USP9X: variants seen among roughly 807,000 people sequenced by gnomAD.
USP9X encodes ubiquitin specific peptidase 9 X-linked, also known as ubiquitin carboxyl-terminal hydrolase 9X.
In USP9X, 7 loss-of-function variants were observed where a neutral mutation model predicts 190.3. The observed-to-expected ratio is 0.04, with a 90% confidence interval of 0.02 to 0.07. The LOEUF (loss-of-function observed/expected upper bound fraction) is 0.07. USP9X is among the 10% of genes least tolerant of loss of function. The probability of loss-of-function intolerance (pLI) is 1.00; values close to 1 mark genes in which losing one functional copy is unlikely to be tolerated. For synonymous variants in USP9X, 645 were observed against 659.5 expected (o/e 0.98, Z 0.34); for missense variants, 1,010 against 1,916.9 (o/e 0.53, Z 8.83).
At chrX:41,095,941 G>A (rs2061987729) in intron 1 of USP9X, among the ~76,000 whole-genome samples, 1 of 111,806 alleles carries the variant, frequency 8.9e-6, no homozygotes, top group Admixed American at 9.4e-5. Flanking sequence ...TGCTCCCATG[G>A]TATGAGGGAG....
At chrX:41,141,262 A>G in intron 8 of USP9X, 31 bp from the exon 9 acceptor site, 1 of 1,198,362 alleles carries the variant, frequency 8.3e-7, no homozygotes, top group Non-Finnish European at 1.1e-6. Context: ...CCGATTTTAG[A>G]ATCATACTTA....
intron 31 of USP9X, among the ~76,000 whole-genome samples, chrX:41,202,639 T>C (rs2063053116): frequency 9.0e-6 from 1 of 110,885 alleles, no homozygotes; most frequent in South Asian, 3.8e-4. Flanking sequence ...GGTCTAGGGA[T>C]TGGGTTCTGA....
At chrX:41,093,599 TC>T (rs1330258186) in intron 1 of USP9X, among the ~76,000 whole-genome samples, 1 of 111,718 alleles carries the variant, frequency 9.0e-6, no homozygotes, top group Non-Finnish European at 1.9e-5. Flanking sequence ...TGCCTCGGCT[TC>T]CCAAAGTGCT....
At chrX:41,201,814 T>C (rs1459825019) in intron 31 of USP9X, among the ~76,000 whole-genome samples, 1 of 111,225 alleles carries the variant, frequency 9.0e-6, no homozygotes, top group East Asian at 2.8e-4. Context: ...CTACTAAAAA[T>C]ACAAAAATTA....
intron 32 of USP9X, 44 bp from the exon 33 acceptor site, chrX:41,210,465 T>C: frequency 8.5e-7 from 1 of 1,174,063 alleles, no homozygotes; most frequent in South Asian, 1.9e-5. Flanking sequence ...CATATTGTTC[T>C]GTGAATGTTA....
chrX:41,218,052 G>A lies in USP9X; in HGVS notation c.6210-320G>A, dbSNP rs12689078. 0.13 allele frequency among the ~76,000 whole-genome samples: 14,887 copies of A among 111,752 alleles called. 900 individuals are homozygous for A. Among genetic ancestry groups the A allele is most frequent in the East Asian group, 0.22 (762 of 3,537 alleles). On this transcript the variant is annotated intron_variant, in intron 36 of 44. Coordinates refer to ENST00000378308, the MANE Select transcript of USP9X (RefSeq NM_001039591.3). ...ATTGTGAAAGTATAGAGGCCATTAT[G>A]ATACATTGATTTAATAATTTTTACT... is the stretch of plus-strand genomic sequence containing the variant.
chrX:41,140,476 T>C (rs896840589), intron 6 of USP9X, among the ~76,000 whole-genome samples, 180 bp from the exon 7 acceptor site: 3 of 112,209 alleles, frequency 2.7e-5, no homozygotes, highest in African/African-American at 9.7e-5. Context: ...ACTTACTACG[T>C]ATACTGCTTC....
chrX:41,125,684 A>ACACACACACACACACACTCTCT, intron 2 of USP9X, among the ~76,000 whole-genome samples: 43 of 19,021 alleles, frequency 2.3e-3, no homozygotes, highest in Admixed American at 4.6e-3. Flanking sequence ...ACACACACAC[A>ACACACACACACACACACTCTCT]CTCTCTCTCT....
At chrX:41,107,637 G>A (rs912734076) in intron 1 of USP9X, among the ~76,000 whole-genome samples, 18 of 111,567 alleles carry the variant, frequency 1.6e-4, no homozygotes, top group African/African-American at 3.9e-4. Flanking sequence ...CTTTTCTCCC[G>A]TTTCTGGGGC....
intron 32 of USP9X, among the ~76,000 whole-genome samples, chrX:41,206,813 T>C (rs984239383): frequency 3.7e-5 from 4 of 109,184 alleles, no homozygotes; most frequent in Non-Finnish European, 7.6e-5. Context: ...GTCTTTGCTC[T>C]GTCGCCCAGG....
chrX:41,194,619 A>G (rs1012794199), intron 26 of USP9X, among the ~76,000 whole-genome samples: 1 of 111,730 alleles, frequency 9.0e-6, no homozygotes, highest in African/African-American at 3.3e-5. Context: ...ACAGAAATGT[A>G]GTTATCCATG....
At chrX:41,153,819 TAAGAA>T (rs1469722879) in intron 14 of USP9X, among the ~76,000 whole-genome samples, 1 of 112,077 alleles carries the variant, frequency 8.9e-6, no homozygotes, top group African/African-American at 3.2e-5. Context: ...GAGCAGTATG[TAAGAA>T]AATACTGTAT....
chrX:41,145,436 A>G (rs773872019), intron 11 of USP9X, among the ~76,000 whole-genome samples: 1 of 112,122 alleles, frequency 8.9e-6, no homozygotes, highest in East Asian at 2.8e-4. Flanking sequence ...ATTACTTGTA[A>G]TAGTGAAAAA....
In USP9X at chrX:41,232,401, T is replaced by C. The variant is rs773749050; in HGVS notation, c.7542T>C (p.His2514=). The part of the protein sequence containing the change: ...GSQYQQNNHV[H]GQPYTGPAAH... ...TCCTTTCCCAGAATAACCATGTGCA[T>C]GGACAGCCATATACAGGCCCAGCAG... Residue 2514 remains histidine, a synonymous_variant, in exon 45 of 45, where the codon CAT becomes CAC. Coordinates refer to ENST00000378308, the MANE Select transcript of USP9X (RefSeq NM_001039591.3). 5 of 1,204,856 alleles carry C rather than the reference T, an allele frequency of 4.1e-6. No homozygotes were observed. Among genetic ancestry groups the C allele is most frequent in the Non-Finnish European group, 5.6e-6 (5 of 892,837 alleles).
At chrX:41,140,591 C>T (rs1373627795) in intron 6 of USP9X, 65 bp from the exon 7 acceptor site, 2 of 778,037 alleles carry the variant, frequency 2.6e-6, no homozygotes, top group East Asian at 6.8e-5. Context: ...TTCAATAAGG[C>T]TTTTTTTTCG....
chrX:41,139,186 C>T (rs769191924), intron 6 of USP9X, among the ~76,000 whole-genome samples: 1 of 112,254 alleles, frequency 8.9e-6, no homozygotes, highest in Admixed American at 9.5e-5. Flanking sequence ...ACATAATGAG[C>T]ATGTACTTTC....
chrX:41,114,354 G>A (rs2146965275), intron 1 of USP9X, among the ~76,000 whole-genome samples: 1 of 111,922 alleles, frequency 8.9e-6, no homozygotes, highest in East Asian at 2.8e-4. Context: ...TCTGAGGTCT[G>A]CAGCTGTGGT....
intron 15 of USP9X, among the ~76,000 whole-genome samples, chrX:41,165,135 T>C (rs1360886443): frequency 9.3e-6 from 1 of 107,033 alleles, no homozygotes; most frequent in African/African-American, 3.4e-5. Flanking sequence ...CATTTTTCAA[T>C]GATGCCATAT....
At chrX:41,226,888 A>C (rs1411702829) in intron 41 of USP9X, among the ~76,000 whole-genome samples, 5 of 111,800 alleles carry the variant, frequency 4.5e-5, no homozygotes, top group Non-Finnish European at 9.4e-5. Flanking sequence ...CCAAGGCAGG[A>C]GAATTGCTTG....
Sources: allele counts gnomAD v4.1 joint callset (sites outside exome capture counted in the v4.1 genomes callset), GRCh38; gene constraint gnomAD v4.1.1; transcripts MANE v1.5; gene names NCBI Gene and HGNC (gene_info 2026-07-23, HGNC 2026-07-21).